The following LRRC8C variants were observed in gnomAD, a reference collection of about 807,000 sequenced individuals.
The protein encoded by LRRC8C is volume-regulated anion channel subunit LRRC8C.
In LRRC8C, 20 loss-of-function variants were observed where a neutral mutation model predicts 55.3. The ratio of observed to expected loss-of-function variants is 0.36; its 90% CI spans 0.25 to 0.53. The LOEUF is 0.53. Among genes scored for constraint, LRRC8C ranks in the 20% least tolerant of loss-of-function variants. The pLI is 0.92. For synonymous variants in LRRC8C, 376 were observed against 360.7 expected (o/e 1.04, Z -0.48); for missense variants, 659 against 951.4 (o/e 0.69, Z 4.04).
At chr1:89,628,857 G>C (rs1557641392), upstream of LRRC8C, among the ~76,000 whole-genome samples, 1 of 152,172 alleles carries the variant, frequency 6.6e-6, no homozygotes, top group African/African-American at 2.4e-5. Context: ...TGGTTTATAT[G>C]ACCCACCTCA....
chr1:89,664,361 G>T (rs1001572021), intron 1 of LRRC8C, among the ~76,000 whole-genome samples: 2 of 152,254 alleles, frequency 1.3e-5, no homozygotes, highest in Middle Eastern at 3.4e-3. Flanking sequence ...TCTGCATACG[G>T]CTAGCCAGTT....
intron 2 of LRRC8C, among the ~76,000 whole-genome samples, chr1:89,711,565 A>G (rs886342663): frequency 6.6e-6 from 1 of 152,224 alleles, no homozygotes; most frequent in Non-Finnish European, 1.5e-5. Context: ...TTTTGTTCAT[A>G]GAGTTCTACT....
At chr1:89,705,447 A>G (rs1658453307) in intron 2 of LRRC8C, among the ~76,000 whole-genome samples, 1 of 151,896 alleles carries the variant, frequency 6.6e-6, no homozygotes, top group South Asian at 2.1e-4. Context: ...AAATTTAGGG[A>G]TTAACCAAAA....
At chr1:89,633,698 C>T (rs1336677550) in intron 1 of LRRC8C, among the ~76,000 whole-genome samples, 1 of 152,142 alleles carries the variant, frequency 6.6e-6, no homozygotes, top group South Asian at 2.1e-4. Context: ...TTTCCTACCT[C>T]GAAAATCTCT....
At chr1:89,626,655 T>C in the LRRC8C span, 1 of 152,112 alleles carries the variant, frequency 6.6e-6, no homozygotes, top group African/African-American at 2.4e-5. Context: ...TGCAAATAAA[T>C]AGCCAGATGA....
chr1:89,651,010 A>C (rs1656757283), intron 1 of LRRC8C, among the ~76,000 whole-genome samples: 1 of 152,162 alleles, frequency 6.6e-6, no homozygotes, highest in African/African-American at 2.4e-5. Flanking sequence ...GCCATATCTC[A>C]GAAAAAAAAT....
chr1:89,644,284 C>T (rs532170478), intron 1 of LRRC8C, among the ~76,000 whole-genome samples: 1 of 152,352 alleles, frequency 6.6e-6, no homozygotes, highest in African/African-American at 2.4e-5. Flanking sequence ...AGGCAGTTCT[C>T]CCACCTCAGC....
chr1:89,646,200 A>G (rs929539366), intron 1 of LRRC8C, among the ~76,000 whole-genome samples: 2 of 152,094 alleles, frequency 1.3e-5, no homozygotes, highest in Non-Finnish European at 2.9e-5. Context: ...ATCTAGCCAA[A>G]CCATTAAAGA....
At chr1:89,678,624 T>C (rs1427436096) in intron 1 of LRRC8C, among the ~76,000 whole-genome samples, 1 of 149,716 alleles carries the variant, frequency 6.7e-6, no homozygotes, top group Non-Finnish European at 1.5e-5. Flanking sequence ...CGCATGAACC[T>C]GGGAGGCAGA....
intron 1 of LRRC8C, among the ~76,000 whole-genome samples, chr1:89,647,302 A>C (rs2101190228): frequency 6.6e-6 from 1 of 152,328 alleles, no homozygotes; most frequent in East Asian, 1.9e-4. Flanking sequence ...ATATAGCTCC[A>C]AATTAGGAAC....
At chr1:89,666,298 A>C (rs554931339) in intron 1 of LRRC8C, among the ~76,000 whole-genome samples, 1 of 152,142 alleles carries the variant, frequency 6.6e-6, no homozygotes, top group Non-Finnish European at 1.5e-5. Flanking sequence ...AAAACATGAT[A>C]CTGTTAATAA....
chr1:89,616,135 G>A, the LRRC8C span, among the ~76,000 whole-genome samples: 1 of 152,138 alleles, frequency 6.6e-6, no homozygotes. Context: ...CCACTAGGGG[G>A]CTGGGCACTA....
At chr1:89,621,198 C>T in the LRRC8C span, among the ~76,000 whole-genome samples, 107 of 151,680 alleles carry the variant, frequency 7.1e-4, no homozygotes, top group South Asian at 2.1e-3. Context: ...CGGTGGCTCA[C>T]GCCTGTAATC....
chr1:89,709,491 AC>A (rs1658582844), intron 2 of LRRC8C, among the ~76,000 whole-genome samples: 1 of 152,152 alleles, frequency 6.6e-6, no homozygotes, highest in Non-Finnish European at 1.5e-5. Context: ...CTTGCCCTTC[AC>A]CTGGGCACCC....
intron 1 of LRRC8C, among the ~76,000 whole-genome samples, chr1:89,641,585 A>G (rs1241398043): frequency 6.6e-6 from 1 of 152,048 alleles, no homozygotes; most frequent in African/African-American, 2.4e-5. Flanking sequence ...CTCAATTTAG[A>G]CAGTCTTTGC....
At chr1:89,640,190 A>G (rs1458224548) in intron 1 of LRRC8C, among the ~76,000 whole-genome samples, 1 of 152,146 alleles carries the variant, frequency 6.6e-6, no homozygotes, top group Non-Finnish European at 1.5e-5. Context: ...TCAGCCTCCC[A>G]AGTAGCTGGG....
chr1:89,708,496 C>T (rs1171239619), intron 2 of LRRC8C: 1 of 151,440 alleles, frequency 6.6e-6, no homozygotes, highest in African/African-American at 2.5e-5. Context: ...AAGGATAGGA[C>T]AGATAAAACA....
chr1:89,688,317 T>G (rs1489933135), intron 2 of LRRC8C, among the ~76,000 whole-genome samples: 6 of 152,192 alleles, frequency 3.9e-5, no homozygotes, highest in Admixed American at 3.9e-4. Context: ...TACTAAGAAT[T>G]ATCAACGAAG....
Position 89,714,321 on chromosome 1 carries a change from A to T in LRRC8C, c.1751A>T (p.Asn584Ile). 1 of 1,614,180 alleles carries T rather than the reference A, an allele frequency of 6.2e-7. No homozygotes were observed. Among genetic ancestry groups the T allele is most frequent in the Non-Finnish European group, 8.5e-7 (1 of 1,180,030 alleles). Reference sequence around the variant, plus strand: ...GGCACCAAGCTGGTGATGCTCAACAACTTAAAGAAGATGACCAATCTGACA... The same window carrying T: ...GGCACCAAGCTGGTGATGCTCAACATCTTAAAGAAGATGACCAATCTGACA... ...NDGTKLVMLNNLKKMTNLTEL... is the reference protein window; with the variant it reads ...NDGTKLVMLNILKKMTNLTEL... The change falls in exon 3 of 3, where the codon AAC becomes ATC. Residue 584 changes from asparagine (N) to isoleucine (I), a missense_variant. Physicochemically the swap from Asn to Ile is moderately radical, Grantham distance 149. Coordinates refer to ENST00000370454, the MANE Select transcript of LRRC8C (RefSeq NM_032270.5). This position sits in a 1 kb window ranked among gnomAD's most constrained non-coding sequence, Gnocchi z 4.6.
Sources: gnomAD v4.1 joint callset for allele counts (sites outside exome capture counted in the v4.1 genomes callset) on GRCh38, gnomAD v4.1.1 for gene constraint, Gnocchi (gnomAD v3.1) non-coding constraint, MANE v1.5 for transcripts, NCBI Gene and HGNC (gene_info 2026-07-23, HGNC 2026-07-21) for gene names.